The following CDH12 variants were observed in gnomAD, a reference collection of about 807,000 sequenced individuals.
CDH12 encodes the protein cadherin 12.
CDH12 carries 41 observed loss-of-function variants against 74.1 expected under a neutral mutation model. That is an observed-to-expected ratio of 0.55 (90% CI 0.43 to 0.72). CDH12 has a LOEUF of 0.72. Ranked by LOEUF, CDH12 falls within the 30% of genes least tolerant of loss-of-function variation. The pLI is 0.00. For synonymous variants in CDH12, 399 were observed against 355.0 expected, an observed-to-expected ratio of 1.12 and a Z score of -1.39; for missense variants, 945 against 977.2, an observed-to-expected ratio of 0.97 and a Z score of 0.44.
chr5:22,505,121 A>G (rs1019464477), intron 2 of CDH12, 149 bp downstream of exon 2: 1 of 155,774 alleles, frequency 6.4e-6, no homozygotes, highest in African/African-American at 2.4e-5. Context: ...TGTTGTGTTT[A>G]TGTCAACTCC....
chr5:22,738,910 A>C (rs1744876945), intron 1 of CDH12, among the ~76,000 whole-genome samples: 1 of 152,086 alleles, frequency 6.6e-6, no homozygotes, highest in African/African-American at 2.4e-5. Context: ...TCAACTCTAC[A>C]AGAATAATAA....
At chr5:22,641,692 C>T (rs1739160760) in intron 1 of CDH12, among the ~76,000 whole-genome samples, 1 of 152,180 alleles carries the variant, frequency 6.6e-6, no homozygotes, top group Admixed American at 6.6e-5. Flanking sequence ...GGGTGCTCTG[C>T]TCACTGATCG....
intron 3 of CDH12, among the ~76,000 whole-genome samples, chr5:22,270,684 AT>A (rs201249393): frequency 0.028 from 4,181 of 151,556 alleles, 83 homozygotes; most frequent in Non-Finnish European, 0.042. Flanking sequence ...TTATTTATGT[AT>A]TTTGAGACAG....
intron 1 of CDH12, among the ~76,000 whole-genome samples, chr5:22,733,420 T>C (rs750474478): frequency 9.2e-5 from 14 of 151,588 alleles, no homozygotes; most frequent in Non-Finnish European, 1.9e-4. Context: ...GAAATTAAAC[T>C]GTCATTTTCT....
At chr5:22,105,059 C>T (rs549301726) in intron 4 of CDH12, among the ~76,000 whole-genome samples, 7 of 151,834 alleles carry the variant, frequency 4.6e-5, no homozygotes, top group African/African-American at 9.7e-5. Context: ...TCTTTCCCTG[C>T]GCGTATGTCT....
At chr5:22,703,106 C>T (rs184635297) in intron 1 of CDH12, among the ~76,000 whole-genome samples, 210 of 152,174 alleles carry the variant, frequency 1.4e-3, no homozygotes, top group African/African-American at 4.9e-3. Context: ...CATTTATTAC[C>T]ATGTATCTGT....
At chr5:22,526,786 A>G (rs1737304468) in intron 1 of CDH12, among the ~76,000 whole-genome samples, 1 of 152,156 alleles carries the variant, frequency 6.6e-6, no homozygotes, top group South Asian at 2.1e-4. Context: ...TTTAGCTTAC[A>G]ATTTTCCTAG....
At chr5:22,120,538 A>AT (rs1228317405) in intron 4 of CDH12, among the ~76,000 whole-genome samples, 1 of 152,146 alleles carries the variant, frequency 6.6e-6, no homozygotes, top group Non-Finnish European at 1.5e-5. Flanking sequence ...ATTTGTATAG[A>AT]TTTTACATTA....
At chr5:21,990,451 C>T (rs2150134910) in intron 5 of CDH12, among the ~76,000 whole-genome samples, 1 of 152,064 alleles carries the variant, frequency 6.6e-6, no homozygotes, top group East Asian at 1.9e-4. Flanking sequence ...TCAGAGTCTT[C>T]ATATGTAAAA....
intron 4 of CDH12, among the ~76,000 whole-genome samples, chr5:22,095,709 G>A (rs2150243542): frequency 6.6e-6 from 1 of 150,844 alleles, no homozygotes; most frequent in African/African-American, 2.4e-5. Context: ...TGCTTTTCTG[G>A]GGGCAAGAAT....
chr5:22,804,416 T>C (rs1307007193), intron 1 of CDH12, among the ~76,000 whole-genome samples: 1 of 152,082 alleles, frequency 6.6e-6, no homozygotes, highest in Admixed American at 6.5e-5. Context: ...GGAGATTTTA[T>C]GGAATTGGCT....
chr5:21,818,332 A>G (rs1748177873), intron 8 of CDH12, among the ~76,000 whole-genome samples: 1 of 152,004 alleles, frequency 6.6e-6, no homozygotes, highest in South Asian at 2.1e-4. Flanking sequence ...AGTTCATTAA[A>G]AAATCATGTT....
intron 1 of CDH12, among the ~76,000 whole-genome samples, chr5:22,509,475 A>T (rs1164075455): frequency 6.6e-6 from 1 of 152,214 alleles, no homozygotes; most frequent in East Asian, 1.9e-4. Flanking sequence ...TGACAGGAAG[A>T]AAAAATAAAT....
intron 6 of CDH12, among the ~76,000 whole-genome samples, chr5:21,899,192 C>G (rs1753268426): frequency 6.6e-6 from 1 of 152,174 alleles, no homozygotes; most frequent in Non-Finnish European, 1.5e-5. Context: ...TAATTTTCTT[C>G]TCTCTGATGC....
intron 3 of CDH12, among the ~76,000 whole-genome samples, chr5:22,300,865 G>A (rs1003338603): frequency 2.0e-5 from 3 of 152,092 alleles, no homozygotes; most frequent in Non-Finnish European, 2.9e-5. Flanking sequence ...TTCTCTCAAA[G>A]GTTAAAACTA....
intron 4 of CDH12, among the ~76,000 whole-genome samples, chr5:22,086,490 C>T (rs1003741511): frequency 6.6e-5 from 10 of 151,914 alleles, no homozygotes; most frequent in East Asian, 1.9e-4. Context: ...ATTACAGGCA[C>T]GTGCCAACAA....
intron 3 of CDH12, among the ~76,000 whole-genome samples, chr5:22,271,384 A>T (rs1217159944): frequency 6.6e-6 from 1 of 152,162 alleles, no homozygotes; most frequent in Non-Finnish European, 1.5e-5. Context: ...TGCAATTGTC[A>T]TCACGTCTGC....
intron 5 of CDH12, among the ~76,000 whole-genome samples, chr5:22,026,159 TC>T (rs1369593536): frequency 6.6e-6 from 1 of 152,088 alleles, no homozygotes; most frequent in Non-Finnish European, 1.5e-5. Context: ...TTTGCCCAGA[TC>T]CATCAGAGGC....
chr5:22,225,177 A>G (rs1477889262), intron 3 of CDH12, among the ~76,000 whole-genome samples: 1 of 152,082 alleles, frequency 6.6e-6, no homozygotes, highest in Non-Finnish European at 1.5e-5. Context: ...CCAGACAATG[A>G]TGACTTTGTG....
Sources: allele counts gnomAD v4.1 joint callset (sites outside exome capture counted in the v4.1 genomes callset), GRCh38; gene constraint gnomAD v4.1.1; transcripts MANE v1.5; gene names NCBI Gene and HGNC (gene_info 2026-07-23, HGNC 2026-07-21).